RNF220: variants seen among roughly 807,000 people sequenced by gnomAD.
RNF220 encodes the protein ring finger protein 220, also known as E3 ubiquitin-protein ligase RNF220.
Under a neutral mutation model 67.1 loss-of-function variants are expected in RNF220, and 7 were observed. The ratio of observed to expected loss-of-function variants is 0.10; its 90% CI spans 0.06 to 0.20. RNF220 has a LOEUF of 0.20. RNF220 is among the 10% of genes least tolerant of loss of function. The pLI, the probability that RNF220 is intolerant of heterozygous loss-of-function variation, is 1.00. For missense variants in RNF220, 565 were observed against 740.3 expected, an observed-to-expected ratio of 0.76 and a Z score of 2.75; for synonymous variants, 270 against 283.2, an observed-to-expected ratio of 0.95 and a Z score of 0.47.
chr1:44,432,894 G>T (rs1417644218), intron 2 of RNF220, among the ~76,000 whole-genome samples: 10 of 119,820 alleles, frequency 8.3e-5, no homozygotes, highest in Admixed American at 5.5e-4. Context: ...TTTCAAATTG[G>T]CTTTTCTTTT....
chr1:44,481,187 C>T (rs1655774357), intron 2 of RNF220, among the ~76,000 whole-genome samples: 1 of 152,100 alleles, frequency 6.6e-6, no homozygotes, highest in Non-Finnish European at 1.5e-5. Context: ...CGTTGAGAGG[C>T]TGAGGTGGGA....
intron 12 of RNF220, among the ~76,000 whole-genome samples, chr1:44,646,453 G>A (rs961001618): frequency 2.6e-5 from 4 of 152,264 alleles, no homozygotes; most frequent in Non-Finnish European, 4.4e-5. Flanking sequence ...CAGCTGCTCC[G>A]TGTCAGCGCC....
chr1:44,594,516 C>T (rs1324246366), intron 2 of RNF220, among the ~76,000 whole-genome samples: 1 of 152,206 alleles, frequency 6.6e-6, no homozygotes, highest in South Asian at 2.1e-4. Flanking sequence ...AACTAGACTG[C>T]CAAATTGCTC....
intron 2 of RNF220, among the ~76,000 whole-genome samples, chr1:44,561,029 A>G (rs1226950133): frequency 6.6e-6 from 1 of 152,216 alleles, no homozygotes; most frequent in African/African-American, 2.4e-5. Context: ...CAGTGATGCC[A>G]AGCTGGACTC....
intron 2 of RNF220, among the ~76,000 whole-genome samples, chr1:44,469,627 T>C (rs1654619742): frequency 6.6e-6 from 1 of 152,228 alleles, no homozygotes. Context: ...ACAGTCCCTG[T>C]CCTCATGGAA....
At chr1:44,512,285 G>A (rs1404397091) in intron 2 of RNF220, among the ~76,000 whole-genome samples, 1 of 152,178 alleles carries the variant, frequency 6.6e-6, no homozygotes, top group Non-Finnish European at 1.5e-5. Flanking sequence ...ACCTGAAGAA[G>A]TCAACAACCA....
intron 2 of RNF220, among the ~76,000 whole-genome samples, chr1:44,559,085 C>A (rs916529938): frequency 6.6e-6 from 1 of 152,260 alleles, no homozygotes; most frequent in African/African-American, 2.4e-5. Context: ...CAATGCGCAA[C>A]ACATAGTAAG....
chr1:44,480,761 C>G (rs1655728951), intron 2 of RNF220, among the ~76,000 whole-genome samples: 1 of 152,180 alleles, frequency 6.6e-6, no homozygotes, highest in Non-Finnish European at 1.5e-5. Flanking sequence ...TGGGGCACGC[C>G]TGCAGTCCCA....
At chr1:44,427,562 GA>G (rs1287412243) in intron 2 of RNF220, among the ~76,000 whole-genome samples, 5 of 152,120 alleles carry the variant, frequency 3.3e-5, no homozygotes, top group Non-Finnish European at 7.4e-5. Flanking sequence ...TATGATCTAA[GA>G]AAAAAAGTTT....
Position 44,429,505 on chromosome 1 carries a change from C to T in RNF220, c.625+16783C>T, listed in dbSNP as rs560130829. Among the ~76,000 whole-genome samples, 13 of 151,882 alleles carry T rather than the reference C, an allele frequency of 8.6e-5. No homozygotes were observed. The South Asian group carries it at 2.1e-3, about 24-fold the overall frequency. On this transcript the variant is annotated intron_variant, in intron 2 of 14. Coordinates refer to ENST00000361799, the MANE Select transcript of RNF220 (RefSeq NM_018150.4). ...AAATCGTAAGGGACATTTGTGAGCA[C>T]GAAGAATGATATTAGAGAAGTGAGA...
intron 2 of RNF220, among the ~76,000 whole-genome samples, chr1:44,436,160 C>A (rs915132247): frequency 3.9e-5 from 6 of 151,908 alleles, no homozygotes; most frequent in African/African-American, 1.5e-4. Flanking sequence ...GAGCTCTTGT[C>A]TTGTATCTAG....
At chr1:44,579,045 A>G (rs1380393053) in intron 2 of RNF220, among the ~76,000 whole-genome samples, 1 of 150,966 alleles carries the variant, frequency 6.6e-6, no homozygotes, top group East Asian at 1.9e-4. Flanking sequence ...AATCCCAGCT[A>G]CTCGGGAGGC....
At chr1:44,551,119 C>CTTT (rs386366846) in intron 2 of RNF220, among the ~76,000 whole-genome samples, 19,962 of 97,292 alleles carry the variant, frequency 0.21, 3,400 homozygotes, top group African/African-American at 0.22. Flanking sequence ...CACTTCTTGC[C>CTTT]TTTTTTTTTT....
At chr1:44,494,674 A>T (rs1321428544) in intron 2 of RNF220, among the ~76,000 whole-genome samples, 4 of 152,338 alleles carry the variant, frequency 2.6e-5, no homozygotes, top group Admixed American at 2.0e-4. Flanking sequence ...TATGAAAAAA[A>T]TATCTGCAAA....
rs1644781927 is a variant in RNF220 at position 44,651,326 on chromosome 1, C to T, written c.*551C>T. The T allele has an allele frequency of 5.7e-6, 1 of 175,880 alleles. No individual in the cohort carries two copies. The highest frequency in any genetic ancestry group is 1.2e-5 in the Non-Finnish European group (1 of 80,360). 10.9% of individuals were successfully genotyped at this position (175,880 alleles called of 1,614,324 possible). ...CCTCTTGGGGTACCTGCCTCTCTCT[C>T]TCCTGTGGTGTCCCTTCCCTCTCCC... On this transcript the variant is annotated 3_prime_UTR_variant, in exon 15 of 15. Coordinates refer to ENST00000361799, the MANE Select transcript of RNF220 (RefSeq NM_018150.4).
intron 2 of RNF220, among the ~76,000 whole-genome samples, chr1:44,487,974 A>ATT (rs113894560): frequency 3.4e-5 from 5 of 145,958 alleles, no homozygotes; most frequent in African/African-American, 1.3e-4. Flanking sequence ...TGGCACTGCG[A>ATT]TTTTTTTTTT....
intron 2 of RNF220, among the ~76,000 whole-genome samples, chr1:44,595,921 G>A (rs12068704): frequency 0.33 from 50,374 of 151,318 alleles, 8,497 homozygotes; most frequent in Non-Finnish European, 0.35. Context: ...CCGCCACCAC[G>A]CCCGGCTAAT....
intron 2 of RNF220, among the ~76,000 whole-genome samples, chr1:44,463,002 G>T (rs769807555): frequency 6.7e-6 from 1 of 149,442 alleles, no homozygotes; most frequent in Non-Finnish European, 1.5e-5. Flanking sequence ...ACTCCACCCT[G>T]GGCCACAGAG....
At chr1:44,437,878 T>C (rs571540180) in intron 2 of RNF220, among the ~76,000 whole-genome samples, 3 of 152,318 alleles carry the variant, frequency 2.0e-5, no homozygotes, top group Admixed American at 6.5e-5. Flanking sequence ...AACTGTGTGA[T>C]CTTGCAACCA....
Sources: allele counts gnomAD v4.1 joint callset (sites outside exome capture counted in the v4.1 genomes callset), GRCh38; gene constraint gnomAD v4.1.1; transcripts MANE v1.5; gene names NCBI Gene and HGNC (gene_info 2026-07-23, HGNC 2026-07-21).